ADARB2: variants seen among roughly 807,000 people sequenced by gnomAD.
ADARB2 encodes inactive double-stranded RNA-specific editase B2.
ADARB2 carries 25 observed loss-of-function variants against 62.2 expected under a neutral mutation model. That is an observed-to-expected ratio of 0.40 (90% CI 0.29 to 0.56). The LOEUF is 0.56. Ranked by LOEUF, ADARB2 falls within the 20% of genes least tolerant of loss-of-function variation. ADARB2 has a pLI of 0.43. For missense variants in ADARB2, 1,071 were observed against 1,077.4 expected, an observed-to-expected ratio of 0.99 and a Z score of 0.08; for synonymous variants, 572 against 500.8, an observed-to-expected ratio of 1.14 and a Z score of -1.90.
intron 3 of ADARB2, among the ~76,000 whole-genome samples, chr10:1,295,559 G>T (rs969445159): frequency 1.3e-5 from 2 of 152,130 alleles, no homozygotes; most frequent in African/African-American, 4.8e-5. Flanking sequence ...CTCTCTGGTG[G>T]TGGGAGTCTG....
intron 1 of ADARB2, among the ~76,000 whole-genome samples, chr10:1,709,150 G>A (rs754957343): frequency 2.6e-5 from 4 of 152,186 alleles, no homozygotes; most frequent in African/African-American, 4.8e-5. Flanking sequence ...GTCGCTAAGT[G>A]GAGACCTACT....
chr10:1,345,648 ACT>A (rs1360307816), intron 3 of ADARB2, among the ~76,000 whole-genome samples: 2 of 152,078 alleles, frequency 1.3e-5, no homozygotes, highest in Admixed American at 1.3e-4. Context: ...TCCCCCCGTG[ACT>A]CTGATAGTGA....
At chr10:1,506,282 C>T (rs573658048) in intron 1 of ADARB2, among the ~76,000 whole-genome samples, 3 of 152,266 alleles carry the variant, frequency 2.0e-5, no homozygotes, top group African/African-American at 4.8e-5. Flanking sequence ...CCTCCTGCAA[C>T]CCTTCTGAAA....
chr10:1,651,295 G>A (rs1425699005), intron 1 of ADARB2, among the ~76,000 whole-genome samples: 2 of 152,218 alleles, frequency 1.3e-5, no homozygotes, highest in African/African-American at 2.4e-5. Context: ...TTTCTCCATC[G>A]AGCCCTGGCT....
chr10:1,568,598 A>AGGAGGGAG (rs138694523), intron 1 of ADARB2, among the ~76,000 whole-genome samples: 3 of 150,970 alleles, frequency 2.0e-5, no homozygotes, highest in African/African-American at 7.3e-5. Context: ...GAAGGAGGAA[A>AGGAGGGAG]GGAGGGAGGG....
At chr10:1,326,095 A>T (rs958354313) in intron 3 of ADARB2, among the ~76,000 whole-genome samples, 2 of 152,258 alleles carry the variant, frequency 1.3e-5, no homozygotes, top group African/African-American at 4.8e-5. Flanking sequence ...GGAAAACTGA[A>T]TGCAAGTGAA....
intron 1 of ADARB2, 140 bp downstream of exon 1, chr10:1,736,911 C>T (rs1346021986): frequency 4.9e-5 from 39 of 798,142 alleles, no homozygotes; most frequent in Non-Finnish European, 4.5e-5. Context: ...CTCCCGAGCG[C>T]CCTGCACGGA....
chr10:1,695,893 T>C (rs1272015575), intron 1 of ADARB2, among the ~76,000 whole-genome samples: 1 of 152,006 alleles, frequency 6.6e-6, no homozygotes, highest in African/African-American at 2.4e-5. Context: ...CACACATGCA[T>C]GAGGGCACAC....
At chr10:1,489,304 G>A (rs974993213) in intron 1 of ADARB2, among the ~76,000 whole-genome samples, 57 of 149,336 alleles carry the variant, frequency 3.8e-4, no homozygotes, top group Non-Finnish European at 7.1e-4. Flanking sequence ...TCAGCAAGGC[G>A]TGACAGTGCC....
chr10:1,605,978 TCAAA>T (rs1176616422), intron 1 of ADARB2, among the ~76,000 whole-genome samples: 4 of 143,806 alleles, frequency 2.8e-5, no homozygotes, highest in Admixed American at 6.7e-5. Context: ...ATTTAAACAT[TCAAA>T]CAGTCTAGTG....
chr10:1,570,108 A>G (rs1291067683), intron 1 of ADARB2, among the ~76,000 whole-genome samples: 1 of 152,200 alleles, frequency 6.6e-6, no homozygotes, highest in South Asian at 2.1e-4. Context: ...TATATACGTT[A>G]AAATTACCTT....
At chr10:1,217,896 G>C (rs1589154791) in intron 6 of ADARB2, among the ~76,000 whole-genome samples, 1 of 152,268 alleles carries the variant, frequency 6.6e-6, no homozygotes, top group Non-Finnish European at 1.5e-5. Flanking sequence ...GTGGGTCTCT[G>C]TGGGTCCCTC....
intron 1 of ADARB2, among the ~76,000 whole-genome samples, chr10:1,728,912 G>A (rs1209050002): frequency 6.6e-6 from 1 of 152,180 alleles, no homozygotes; most frequent in Non-Finnish European, 1.5e-5. Context: ...CATTCCTCAT[G>A]CTACTGTCTT....
At chr10:1,244,418 G>A (rs1320827458) in intron 4 of ADARB2, among the ~76,000 whole-genome samples, 1 of 152,234 alleles carries the variant, frequency 6.6e-6, no homozygotes, top group Non-Finnish European at 1.5e-5. Context: ...GCTGTGGCCT[G>A]TGAGGCCCCG....
intron 2 of ADARB2, among the ~76,000 whole-genome samples, chr10:1,372,022 C>T (rs1832377058): frequency 6.6e-6 from 1 of 152,120 alleles, no homozygotes; most frequent in African/African-American, 2.4e-5. Flanking sequence ...GTATGTTCAC[C>T]TCAGCACTAT....
intron 2 of ADARB2, among the ~76,000 whole-genome samples, chr10:1,371,859 G>C (rs1238528481): frequency 3.4e-5 from 5 of 148,820 alleles, no homozygotes; most frequent in Non-Finnish European, 7.5e-5. Context: ...TGCACTGTTG[G>C]TGGAAATGTA....
intron 3 of ADARB2, among the ~76,000 whole-genome samples, chr10:1,286,981 G>C (rs78929560): frequency 0.011 from 1,742 of 152,218 alleles, 37 homozygotes; most frequent in African/African-American, 0.039. Context: ...TCACCCCCAC[G>C]TGCCTCATCC....
chr10:1,504,223 C>G (rs1301969740), intron 1 of ADARB2, among the ~76,000 whole-genome samples: 1 of 152,228 alleles, frequency 6.6e-6, no homozygotes, highest in Non-Finnish European at 1.5e-5. Context: ...CGGAGCCCAT[C>G]GCTTCCAGCA....
intron 6 of ADARB2, among the ~76,000 whole-genome samples, chr10:1,220,881 C>T (rs762180694): frequency 6.6e-6 from 1 of 152,196 alleles, no homozygotes; most frequent in African/African-American, 2.4e-5. Flanking sequence ...TAGGAGTTAA[C>T]CCAAAGCTTT....
Sources: gnomAD v4.1 joint callset for allele counts (sites outside exome capture counted in the v4.1 genomes callset) on GRCh38, gnomAD v4.1.1 for gene constraint, MANE v1.5 for transcripts, NCBI Gene and HGNC (gene_info 2026-07-23, HGNC 2026-07-21) for gene names.